Variants in ITFG1 observed in about 807,000 individuals in gnomAD.
ITFG1 encodes T-cell immunomodulatory protein.
A neutral mutation model predicts 81.8 loss-of-function variants in ITFG1; 34 were observed. That is an observed-to-expected ratio of 0.42 (90% CI 0.32 to 0.55). The LOEUF is 0.55. ITFG1 is among the 20% of genes least tolerant of loss of function. ITFG1 has a pLI of 0.17. For synonymous variants in ITFG1, 285 were observed against 270.6 expected (o/e 1.05, Z -0.52); for missense variants, 672 against 755.4 (o/e 0.89, Z 1.29).
intron 14 of ITFG1, among the ~76,000 whole-genome samples, chr16:47,215,291 G>T (rs1241597821): frequency 6.6e-6 from 1 of 152,104 alleles, no homozygotes; most frequent in Non-Finnish European, 1.5e-5. Flanking sequence ...CATTTAAACT[G>T]GGAATTTTCA....
At chr16:47,333,390 T>C (rs1967661554) in intron 8 of ITFG1, among the ~76,000 whole-genome samples, 1 of 152,182 alleles carries the variant, frequency 6.6e-6, no homozygotes, top group Admixed American at 6.5e-5. Flanking sequence ...AAAGTGTTTG[T>C]CAAAGGTTCA....
intron 10 of ITFG1, among the ~76,000 whole-genome samples, chr16:47,261,823 C>A (rs2151542731): frequency 6.6e-6 from 1 of 152,262 alleles, no homozygotes; most frequent in South Asian, 2.1e-4. Flanking sequence ...CAGGTGTGTG[C>A]CATCATGCCC....
intron 6 of ITFG1, among the ~76,000 whole-genome samples, chr16:47,412,287 G>C (rs370009517): frequency 6.6e-6 from 1 of 152,106 alleles, no homozygotes; most frequent in African/African-American, 2.4e-5. Flanking sequence ...GACAGTCATA[G>C]AATTCAGAAT....
intron 6 of ITFG1, among the ~76,000 whole-genome samples, chr16:47,420,099 T>C (rs1224911084): frequency 6.6e-6 from 1 of 152,054 alleles, no homozygotes; most frequent in Admixed American, 6.6e-5. Flanking sequence ...ATTGAGTAAA[T>C]GGTTGACCAA....
At chr16:47,409,792 C>T (rs1034301497) in intron 6 of ITFG1, among the ~76,000 whole-genome samples, 2 of 151,800 alleles carry the variant, frequency 1.3e-5, no homozygotes, top group African/African-American at 4.8e-5. Context: ...ACACAAAACA[C>T]ATATCATGAC....
chr16:47,261,864 G>T (rs999109748), intron 10 of ITFG1, among the ~76,000 whole-genome samples: 1 of 152,164 alleles, frequency 6.6e-6, no homozygotes, highest in Non-Finnish European at 1.5e-5. Flanking sequence ...GTAGAGACAG[G>T]GTTTTGCCAT....
At chr16:47,334,314 A>T (rs1967674886) in intron 8 of ITFG1, among the ~76,000 whole-genome samples, 1 of 152,038 alleles carries the variant, frequency 6.6e-6, no homozygotes, top group South Asian at 2.1e-4. Flanking sequence ...TGTAGTCCCA[A>T]ATACTTAAGA....
chr16:47,253,433 C>G (rs1966101209), intron 12 of ITFG1, among the ~76,000 whole-genome samples: 1 of 152,084 alleles, frequency 6.6e-6, no homozygotes, highest in Non-Finnish European at 1.5e-5. Flanking sequence ...AGGTAGTTTG[C>G]TGTCTCACTA....
At chr16:47,204,662 G>C (rs982210911) in intron 14 of ITFG1, among the ~76,000 whole-genome samples, 1 of 152,200 alleles carries the variant, frequency 6.6e-6, no homozygotes, top group South Asian at 2.1e-4. Context: ...CTGACAGGCA[G>C]AGCAGTAGCT....
At chr16:47,457,369 C>G (rs1567506955) in intron 2 of ITFG1, among the ~76,000 whole-genome samples, 2 of 150,824 alleles carry the variant, frequency 1.3e-5, no homozygotes, top group Non-Finnish European at 3.0e-5. Flanking sequence ...TTCTGAAGTA[C>G]ATAGACACCA....
chr16:47,351,109 G>C (rs1424703916), intron 8 of ITFG1, among the ~76,000 whole-genome samples: 1 of 152,134 alleles, frequency 6.6e-6, no homozygotes, highest in African/African-American at 2.4e-5. Context: ...ATATCATACT[G>C]AATGGACAAA....
rs1365367483 is a variant in ITFG1 at position 47,402,195 on chromosome 16, T to C, written c.656-26255A>G. Among the ~76,000 whole-genome samples the C allele has an allele frequency of 2.6e-5, 4 of 152,188 alleles. No individual in the cohort carries two copies. In the East Asian group the frequency reaches 5.8e-4, roughly 22 times the overall value. ...TTATATAGTGTTTTCAAACTGAAGATGATTATCCTTTAGAAGGTCATGAAA... is the reference window on the plus strand; with the variant it reads ...TTATATAGTGTTTTCAAACTGAAGACGATTATCCTTTAGAAGGTCATGAAA... On this transcript the variant is annotated intron_variant, in intron 6 of 17. Coordinates refer to ENST00000320640, the MANE Select transcript of ITFG1 (RefSeq NM_030790.5).
At chr16:47,232,747 A>AT (rs1049070306) in intron 13 of ITFG1, among the ~76,000 whole-genome samples, 33 of 151,162 alleles carry the variant, frequency 2.2e-4, no homozygotes, top group African/African-American at 7.5e-4. Context: ...GGCTCAGGTG[A>AT]TTCTCCACCT....
rs1001555910 is a variant in ITFG1, at chr16:47,230,138, A to AG, written c.1374+7826dup. On this transcript the variant is annotated intron_variant, in intron 13 of 17. Transcript: ENST00000320640. ...ATCTTGGAATGCGTCTTTGTGGATA[A>AG]GGGGGGACTATTGTATATATAGTGA... Among the ~76,000 whole-genome samples the AG allele has an allele frequency of 5.9e-5, 9 of 152,216 alleles. No individual in the cohort carries two copies. The East Asian group carries it at 7.7e-4, about 13-fold the overall frequency.
chr16:47,193,706 A>C (rs1965320468), intron 14 of ITFG1, among the ~76,000 whole-genome samples: 1 of 152,216 alleles, frequency 6.6e-6, no homozygotes, highest in Non-Finnish European at 1.5e-5. Context: ...ATAAATAAAT[A>C]CAAATAAAGT....
chr16:47,451,352 C>G, intron 5 of ITFG1, 44 bp downstream of exon 5: 1 of 1,035,632 alleles, frequency 9.7e-7, no homozygotes, highest in Non-Finnish European at 1.5e-6. Flanking sequence ...AAAGTAGAAG[C>G]AATATATACG....
intron 6 of ITFG1, among the ~76,000 whole-genome samples, chr16:47,424,853 C>T (rs948933275): frequency 6.6e-6 from 1 of 152,136 alleles, no homozygotes; most frequent in African/African-American, 2.4e-5. Context: ...TCTGTCGGCT[C>T]CTGCTGGGAG....
intron 6 of ITFG1, among the ~76,000 whole-genome samples, chr16:47,420,583 C>CAGG (rs771344335): frequency 6.6e-5 from 10 of 152,170 alleles, no homozygotes; most frequent in Non-Finnish European, 1.3e-4. Flanking sequence ...GTGCCATCCT[C>CAGG]ACGGTAATGA....
intron 8 of ITFG1, among the ~76,000 whole-genome samples, chr16:47,337,478 G>A (rs1015777723): frequency 3.3e-5 from 5 of 152,090 alleles, no homozygotes; most frequent in Non-Finnish European, 5.9e-5. Flanking sequence ...GCTGAAGCAG[G>A]AGAATCACCT....
Sources: gnomAD v4.1 joint callset for allele counts (sites outside exome capture counted in the v4.1 genomes callset) on GRCh38, gnomAD v4.1.1 for gene constraint, MANE v1.5 for transcripts, NCBI Gene and HGNC (gene_info 2026-07-23, HGNC 2026-07-21) for gene names.